Variants in PALM2AKAP2 observed in about 807,000 individuals in gnomAD.
PALM2AKAP2 encodes PALM2 and AKAP2 fusion.
A neutral mutation model predicts 71.5 loss-of-function variants in PALM2AKAP2; 37 were observed. The ratio of observed to expected loss-of-function variants is 0.52; its 90% confidence interval spans 0.40 to 0.68. PALM2AKAP2 has a LOEUF of 0.68. Among genes scored for constraint, PALM2AKAP2 ranks in the 30% least tolerant of loss-of-function variants. The pLI, the probability that PALM2AKAP2 is intolerant of heterozygous loss-of-function variation, is 0.00. For missense variants in PALM2AKAP2, 1,224 were observed against 1,191.8 expected (o/e 1.03, Z -0.40); for synonymous variants, 468 against 478.8 (o/e 0.98, Z 0.29).
intron 1 of PALM2AKAP2, among the ~76,000 whole-genome samples, chr9:109,770,284 G>A (rs1829238355): frequency 6.6e-6 from 1 of 151,934 alleles, no homozygotes; most frequent in Admixed American, 6.6e-5. Context: ...TTAACCAGGA[G>A]TCCATGAGTC....
At position 109,935,060 on chromosome 9, in the gene PALM2AKAP2, G is replaced by A. The variant is rs139487213; in HGVS notation, c.496+3032G>A. Among the ~76,000 whole-genome samples, 86 of 152,294 alleles carry A rather than the reference G, an allele frequency of 5.6e-4. 1 individual carries two copies. Among genetic ancestry groups the A allele is most frequent in the Middle Eastern group, 3.4e-3 (1 of 294 alleles). ...ATGTCATGGGATTTGACAGGGCTCT[G>A]ACATTCCCTCCCATTTCAAACACGC... On this transcript the variant is annotated intron_variant, in intron 6 of 9. Coordinates refer to the PALM2AKAP2 transcript ENST00000302798.
At chr9:109,856,955 C>T (rs953088646) in intron 1 of PALM2AKAP2, among the ~76,000 whole-genome samples, 4 of 152,202 alleles carry the variant, frequency 2.6e-5, no homozygotes, top group African/African-American at 9.7e-5. Flanking sequence ...ACCACGACAG[C>T]TATGTTCAGT....
At chr9:109,678,032 G>A (rs1827673133) in intron 1 of PALM2AKAP2, among the ~76,000 whole-genome samples, 2 of 152,168 alleles carry the variant, frequency 1.3e-5, no homozygotes, top group Non-Finnish European at 2.9e-5. Flanking sequence ...AGTGGCCTGA[G>A]CAAGGAGGGG....
rs367718120 is a variant in PALM2AKAP2 at position 109,672,221 on chromosome 9, A to G, written c.5+31355A>G. On this transcript the variant is annotated intron_variant, in intron 1 of 6. Transcript: ENST00000374531. The stretch of plus-strand genomic sequence containing the variant: ...TGCTTCCAGCTTTTGCCCATTCAGT[A>G]TGATATTGGCTGTGGGTTTGTCATA... Among the ~76,000 whole-genome samples the G allele has an allele frequency of 1.5e-3, 224 of 152,242 alleles. 1 individual carries two copies. The highest frequency in any genetic ancestry group is 4.9e-3 in the African/African-American group (205 of 41,544).
chr9:109,853,750 G>A (rs1829081953), intron 1 of PALM2AKAP2, among the ~76,000 whole-genome samples: 1 of 152,172 alleles, frequency 6.6e-6, no homozygotes, highest in Admixed American at 6.5e-5. Flanking sequence ...ACCACCACCA[G>A]CAGGGAATAA....
At chr9:109,695,511 C>G (rs1028989904) in intron 1 of PALM2AKAP2, among the ~76,000 whole-genome samples, 2 of 152,058 alleles carry the variant, frequency 1.3e-5, no homozygotes, top group African/African-American at 2.4e-5. Context: ...GAGAGGGTAT[C>G]TTACTACGGT....
At chr9:109,723,318 G>A (rs1587882737) in intron 1 of PALM2AKAP2, among the ~76,000 whole-genome samples, 2 of 152,076 alleles carry the variant, frequency 1.3e-5, no homozygotes, top group Admixed American at 1.3e-4. Context: ...GCCCAGCACC[G>A]ACCTTATGTA....
chr9:109,898,499 C>G (rs1196042783), intron 3 of PALM2AKAP2, among the ~76,000 whole-genome samples: 1 of 152,136 alleles, frequency 6.6e-6, no homozygotes, highest in East Asian at 1.9e-4. Context: ...CTTGCCTGGA[C>G]TGGTTCATGT....
At chr9:110,120,558 A>T (rs1362729313) in intron 1 of PALM2AKAP2, among the ~76,000 whole-genome samples, 2 of 152,222 alleles carry the variant, frequency 1.3e-5, no homozygotes, top group African/African-American at 4.8e-5. Context: ...GCTGGAGTGC[A>T]GTGGTGCGAT....
At chr9:109,894,024 T>A (rs1481427414) in intron 3 of PALM2AKAP2, among the ~76,000 whole-genome samples, 6 of 132,856 alleles carry the variant, frequency 4.5e-5, no homozygotes, top group African/African-American at 5.7e-5. Flanking sequence ...GTTGCTTATT[T>A]AAAAAAAAAA....
intron 1 of PALM2AKAP2, among the ~76,000 whole-genome samples, chr9:110,081,935 T>G (rs1834458329): frequency 6.6e-6 from 1 of 152,096 alleles, no homozygotes; most frequent in Non-Finnish European, 1.5e-5. Context: ...GTGTTCTTAT[T>G]TGATAGTTAA....
At chr9:110,140,425 TG>T (rs1588132764) in intron 2 of PALM2AKAP2, among the ~76,000 whole-genome samples, 1 of 152,276 alleles carries the variant, frequency 6.6e-6, no homozygotes, top group African/African-American at 2.4e-5. Flanking sequence ...TGATGGAGAA[TG>T]GTATTTAGAA....
At chr9:110,149,958 A>AATTGAGACCC in intron 2 of PALM2AKAP2, among the ~76,000 whole-genome samples, 12 of 152,240 alleles carry the variant, frequency 7.9e-5, no homozygotes, top group African/African-American at 2.9e-4. Context: ...GATTGAGACC[A>AATTGAGACCC]GCCTGGTCTC....
chr9:109,739,833 C>T (rs372952961), intron 1 of PALM2AKAP2, among the ~76,000 whole-genome samples: 4 of 152,166 alleles, frequency 2.6e-5, no homozygotes, highest in Admixed American at 6.5e-5. Context: ...GGCTGCAGAA[C>T]GTGGGCAACT....
intron 1 of PALM2AKAP2, chr9:110,048,920 A>C: frequency 1.4e-6 from 2 of 1,419,940 alleles, no homozygotes. Context: ...GGGGTGGCCG[A>C]GGAAGGGGTT....
intron 3 of PALM2AKAP2, among the ~76,000 whole-genome samples, chr9:110,164,466 C>A (rs1210542342): frequency 6.6e-6 from 1 of 151,750 alleles, no homozygotes; most frequent in African/African-American, 2.4e-5. Context: ...GTTTTTTATT[C>A]CCTACCAGAC....
intron 1 of PALM2AKAP2, among the ~76,000 whole-genome samples, chr9:110,087,187 G>A (rs151258498): frequency 6.6e-6 from 1 of 152,252 alleles, no homozygotes; most frequent in African/African-American, 2.4e-5. Context: ...AGCTTTATCA[G>A]CCCTTGCTAT....
intron 2 of PALM2AKAP2, among the ~76,000 whole-genome samples, chr9:109,875,001 G>A (rs1372441609): frequency 2.0e-5 from 3 of 152,186 alleles, no homozygotes; most frequent in Non-Finnish European, 2.9e-5. Flanking sequence ...CTTGCAATGT[G>A]TTCTTCCTAT....
At chr9:110,164,092 C>T (rs1338690226) in intron 3 of PALM2AKAP2, among the ~76,000 whole-genome samples, 1 of 152,122 alleles carries the variant, frequency 6.6e-6, no homozygotes, top group Non-Finnish European at 1.5e-5. Context: ...CAAATGAATA[C>T]TGAGAATATC....
Sources: gnomAD v4.1 joint callset for allele counts (sites outside exome capture counted in the v4.1 genomes callset) on GRCh38, gnomAD v4.1.1 for gene constraint, MANE v1.5 for transcripts, NCBI Gene and HGNC (gene_info 2026-07-23, HGNC 2026-07-21) for gene names.